NAA60: variants seen among roughly 807,000 people sequenced by gnomAD.
NAA60 encodes N-alpha-acetyltransferase 60, NatF catalytic subunit, also known as N-alpha-acetyltransferase 60.
A neutral mutation model predicts 26.1 loss-of-function variants in NAA60; 8 were observed. The ratio of observed to expected loss-of-function variants is 0.31; its 90% CI spans 0.18 to 0.55. The LOEUF is 0.55. Among genes scored for constraint, NAA60 ranks in the 20% least tolerant of loss-of-function variants. NAA60 has a pLI of 0.93. For synonymous variants in NAA60, 131 were observed against 122.5 expected (o/e 1.07, Z -0.46); for missense variants, 290 against 311.3 (o/e 0.93, Z 0.51).
At chr16:3,459,746 CACAG>C (rs139234931) in intron 2 of NAA60, among the ~76,000 whole-genome samples, 2,679 of 152,146 alleles carry the variant, frequency 0.018, 64 homozygotes, top group South Asian at 0.13. Context: ...GAATAAAACA[CACAG>C]ACAGCTTTTT....
intron 2 of NAA60, among the ~76,000 whole-genome samples, chr16:3,450,694 C>CGTCTCAAA (rs1174957247): frequency 2.6e-5 from 3 of 113,502 alleles, no homozygotes; most frequent in East Asian, 4.8e-4. Context: ...AGTGAGACTC[C>CGTCTCAAA]GTCTCAAAAA....
rs539283757 is a variant in NAA60 at position 3,475,244 on chromosome 16, C to G, written c.-6-978C>G. Among the ~76,000 whole-genome samples, 6 of 152,224 alleles carry G rather than the reference C, an allele frequency of 3.9e-5. No homozygotes were observed. In the East Asian group the frequency reaches 1.2e-3, roughly 29 times the overall value. On this transcript the variant is annotated intron_variant, in intron 2 of 7. Coordinates refer to ENST00000407558, the MANE Select transcript of NAA60 (RefSeq NM_001083601.3). ...AACTGGGATTACAGTTGCCCGCCAC[C>G]AAGCCTGGTTAATTTTTGTATTTTT...
chr16:3,485,129 A>G, intron 7 of NAA60, 68 bp downstream of exon 7: 2 of 948,904 alleles, frequency 2.1e-6, no homozygotes, highest in East Asian at 2.6e-5. Flanking sequence ...AAGGCCCTGG[A>G]TGGGCACAGA....
rs199584965 is a variant in NAA60 at position 3,480,596 on chromosome 16, T to TA, written c.240+1011dup. ...CGAGGGACAAAAGCAAGACTTCGTC[T>TA]AAAAAAAAAAAAAAAGAAGAAGAAG... On this transcript the variant is annotated intron_variant, in intron 4 of 7. Coordinates refer to ENST00000407558, the MANE Select transcript of NAA60 (RefSeq NM_001083601.3). 4.4e-3 allele frequency among the ~76,000 whole-genome samples: 576 copies of TA among 129,994 alleles called. 6 individuals carry two copies. The East Asian group carries it at 0.047, about 11-fold the overall frequency. 85.3% of individuals were successfully genotyped at this position (129,994 alleles called of 152,430 possible).
At chr16:3,446,399 C>T (rs562348921) in intron 1 of NAA60, among the ~76,000 whole-genome samples, 21 of 151,604 alleles carry the variant, frequency 1.4e-4, no homozygotes, top group African/African-American at 4.3e-4. Flanking sequence ...GGCGTGGTAG[C>T]GGGCACCTGT....
At chr16:3,468,867 G>A (rs569575514) in intron 2 of NAA60, among the ~76,000 whole-genome samples, 118 of 152,308 alleles carry the variant, frequency 7.7e-4, no homozygotes, top group Middle Eastern at 6.8e-3. Flanking sequence ...CGAGGTTAGG[G>A]ATCGAGACCA....
At position 3,484,961 on chromosome 16, in the gene NAA60, C is replaced by T. The variant is rs2037077456; in HGVS notation, c.*106C>T. On this transcript the variant is annotated 3_prime_UTR_variant, in exon 7 of 8. Coordinates refer to ENST00000407558, the MANE Select transcript of NAA60 (RefSeq NM_001083601.3). ...TTTTCTGCAAGGAGCTGCCAGCCAT[C>T]TAACTGGGCTCGTCGGCCTGCCCCA... is the stretch of plus-strand genomic sequence containing the variant. 1.3e-6 allele frequency: 2 copies of T among 1,532,398 alleles called. No individual in the cohort carries two copies. Among genetic ancestry groups the T allele is most frequent in the Admixed American group, 2.0e-5 (1 of 50,868 alleles). 94.9% of individuals were successfully genotyped at this position (1,532,398 alleles called of 1,614,324 possible).
chr16:3,474,473 C>T lies in NAA60; in HGVS notation c.-6-1749C>T, dbSNP rs12596713. Among the ~76,000 whole-genome samples the T allele has an allele frequency of 1.9e-4, 29 of 152,364 alleles. 1 individual carries two copies. The East Asian group carries it at 5.0e-3, about 26-fold the overall frequency. On this transcript the variant is annotated intron_variant, in intron 2 of 7. Transcript: ENST00000407558. The stretch of plus-strand genomic sequence containing the variant: ...GGAATCTGATTAACTAAGGCTGAGC[C>T]AGCAGAGAGACCAGATTCAGCGTCT...
chr16:3,475,362 T>G (rs1378014964), intron 2 of NAA60, among the ~76,000 whole-genome samples: 2 of 152,138 alleles, frequency 1.3e-5, no homozygotes, highest in Non-Finnish European at 2.9e-5. Context: ...AGTGCTGGGA[T>G]TACAGGCGTG....
intron 3 of NAA60, among the ~76,000 whole-genome samples, chr16:3,478,928 C>T (rs2036652491): frequency 6.6e-6 from 1 of 152,162 alleles, no homozygotes; most frequent in Admixed American, 6.6e-5. Flanking sequence ...GAGACAGTTT[C>T]ATGTCGGATA....
At chr16:3,447,144 A>T (rs1190091380) in intron 1 of NAA60, among the ~76,000 whole-genome samples, 2 of 152,098 alleles carry the variant, frequency 1.3e-5, no homozygotes, top group African/African-American at 4.8e-5. Context: ...CCCGGCCCCT[A>T]TTCTTAAGTA....
intron 1 of NAA60, among the ~76,000 whole-genome samples, chr16:3,447,131 G>A (rs1199256199): frequency 2.6e-5 from 4 of 152,162 alleles, no homozygotes; most frequent in African/African-American, 9.7e-5. Context: ...GTGAGCCCCT[G>A]CCCCCGGCCC....
intron 3 of NAA60, among the ~76,000 whole-genome samples, chr16:3,478,469 G>T (rs530045836): frequency 6.6e-6 from 1 of 152,108 alleles, no homozygotes; most frequent in African/African-American, 2.4e-5. Context: ...GACATGAACC[G>T]GGCTGTGAGG....
chr16:3,449,511 C>G (rs1291659559), intron 2 of NAA60, among the ~76,000 whole-genome samples: 17 of 151,970 alleles, frequency 1.1e-4, no homozygotes, highest in Admixed American at 1.1e-3. Context: ...GAGCAAGACT[C>G]TGTCTCAGAA....
intron 1 of NAA60, among the ~76,000 whole-genome samples, chr16:3,446,682 C>T (rs2034570443): frequency 6.6e-6 from 1 of 150,518 alleles, no homozygotes; most frequent in African/African-American, 2.4e-5. Flanking sequence ...GCGATCTCTG[C>T]TCACTGCAAC....
chr16:3,447,147 C>G (rs2034589244), intron 1 of NAA60, among the ~76,000 whole-genome samples: 1 of 152,162 alleles, frequency 6.6e-6, no homozygotes, highest in Admixed American at 6.5e-5. Context: ...GGCCCCTATT[C>G]TTAAGTATAT....
At chr16:3,458,263 G>A in intron 2 of NAA60, 2 of 869,674 alleles carry the variant, frequency 2.3e-6, no homozygotes, top group Non-Finnish European at 2.8e-6. Flanking sequence ...AGGCCGCGCC[G>A]GGGTCAGGGG....
intron 1 of NAA60, among the ~76,000 whole-genome samples, chr16:3,444,663 C>G (rs757157306): frequency 5.9e-5 from 9 of 152,080 alleles, no homozygotes; most frequent in African/African-American, 9.7e-5. Context: ...TAACAGAAAA[C>G]CCACCGAAAG....
intron 2 of NAA60, among the ~76,000 whole-genome samples, chr16:3,451,885 TCCAGCC>T (rs2150948948): frequency 6.6e-6 from 1 of 151,248 alleles, no homozygotes; most frequent in East Asian, 1.9e-4. Context: ...ACGACTGCAT[TCCAGCC>T]TGGGGGACAG....
Sources: allele counts gnomAD v4.1 joint callset (sites outside exome capture counted in the v4.1 genomes callset), GRCh38; gene constraint gnomAD v4.1.1; transcripts MANE v1.5; gene names NCBI Gene and HGNC (gene_info 2026-07-23, HGNC 2026-07-21).